The following NBAS variants were observed in gnomAD, a reference collection of about 807,000 sequenced individuals.
The protein encoded by NBAS is NBAS subunit of NRZ tethering complex.
NBAS carries 219 observed loss-of-function variants against 302.5 expected under a neutral mutation model. The ratio of observed to expected loss-of-function variants is 0.72; its 90% CI spans 0.65 to 0.81. The LOEUF (loss-of-function observed/expected upper bound fraction) is 0.81. NBAS is among the 30% of genes least tolerant of loss of function. The pLI is 0.00. For missense variants in NBAS, 2,932 were observed against 2,841.6 expected, an observed-to-expected ratio of 1.03 and a Z score of -0.72; for synonymous variants, 1,118 against 1,021.6, an observed-to-expected ratio of 1.09 and a Z score of -1.80.
the NBAS span, among the ~76,000 whole-genome samples, chr2:15,079,037 T>C: frequency 6.6e-6 from 1 of 152,132 alleles, no homozygotes; most frequent in African/African-American, 2.4e-5. Flanking sequence ...CCATCACTTT[T>C]CTAATCTCCC....
intron 40 of NBAS, among the ~76,000 whole-genome samples, chr2:15,298,224 T>C (rs1240052785): frequency 6.6e-6 from 1 of 152,152 alleles, no homozygotes; most frequent in African/African-American, 2.4e-5. Flanking sequence ...ATTCTATTAA[T>C]TTTTTGATAA....
chr2:15,462,278 C>T (rs1272229773), intron 19 of NBAS, among the ~76,000 whole-genome samples: 2 of 152,106 alleles, frequency 1.3e-5, no homozygotes, highest in African/African-American at 4.8e-5. Flanking sequence ...ATACACTTTT[C>T]CCACCCTCTA....
At chr2:14,977,733 T>A in the NBAS span, among the ~76,000 whole-genome samples, 6 of 152,190 alleles carry the variant, frequency 3.9e-5, no homozygotes, top group African/African-American at 1.2e-4. Context: ...TCATCATTTT[T>A]AAATAGAACT....
At chr2:15,184,497 TA>T (rs376018352) in intron 50 of NBAS, among the ~76,000 whole-genome samples, 98 of 151,766 alleles carry the variant, frequency 6.5e-4, no homozygotes, top group Middle Eastern at 3.4e-3. Context: ...TCATAAGGAA[TA>T]AGGAGTGCAC....
the NBAS span, among the ~76,000 whole-genome samples, chr2:15,160,585 CGGGGGGAGGGGG>C: frequency 9.8e-5 from 9 of 92,300 alleles, 1 homozygote; most frequent in Non-Finnish European, 2.0e-4. Context: ...CCAGTGTGGG[CGGGGGGAGGGGG>C]GGGGGCAGGA....
rs1464162524 is a variant in NBAS at position 15,237,088 on chromosome 2, C to CT, written c.5943+1379dup. ...AAATAAAAGAGGAGGTTAACGGCCA[C>CT]TTACAAGGTTCATTTACCATAGTAT... On this transcript the variant is annotated intron_variant, in intron 45 of 51. Transcript: ENST00000281513. 5.3e-5 allele frequency among the ~76,000 whole-genome samples: 8 copies of CT among 152,218 alleles called. No homozygotes were observed. In the South Asian group the frequency reaches 1.7e-3, roughly 32 times the overall value.
chr2:15,374,802 A>T, intron 30 of NBAS, 82 bp from the exon 31 acceptor site: 1 of 1,185,434 alleles, frequency 8.4e-7, no homozygotes, highest in South Asian at 1.2e-5. Flanking sequence ...TCTAACACAT[A>T]TTTATCAAAA....
chr2:15,361,648 T>C (rs1313210311), intron 32 of NBAS, among the ~76,000 whole-genome samples: 1 of 152,136 alleles, frequency 6.6e-6, no homozygotes, highest in African/African-American at 2.4e-5. Context: ...ATCTAATATA[T>C]TTCATATTTT....
intron 51 of NBAS, among the ~76,000 whole-genome samples, chr2:15,170,675 A>G (rs1351825813): frequency 6.6e-6 from 1 of 152,202 alleles, no homozygotes; most frequent in Non-Finnish European, 1.5e-5. Flanking sequence ...GCCAGAGTAT[A>G]CTTTAAGATT....
chr2:15,284,608 G>T (rs895277968), intron 42 of NBAS, among the ~76,000 whole-genome samples: 1 of 152,120 alleles, frequency 6.6e-6, no homozygotes, highest in Non-Finnish European at 1.5e-5. Context: ...CTTTTTAAAG[G>T]AATAGTAAAA....
the NBAS span, among the ~76,000 whole-genome samples, chr2:14,993,351 G>C: frequency 2.0e-5 from 3 of 152,070 alleles, no homozygotes; most frequent in African/African-American, 7.2e-5. Context: ...AATTGTTTCA[G>C]GTTGACATGA....
chr2:15,456,612 C>T (rs948545780), intron 21 of NBAS, among the ~76,000 whole-genome samples: 11 of 152,102 alleles, frequency 7.2e-5, no homozygotes, highest in Admixed American at 6.5e-4. Flanking sequence ...AAGTATTTAA[C>T]GAATGCCTAC....
At chr2:15,048,318 A>T in the NBAS span, among the ~76,000 whole-genome samples, 124,896 of 151,974 alleles carry the variant, frequency 0.82, 51,652 homozygotes, top group East Asian at 0.99. Context: ...GCAAAGTCCA[A>T]TGTGCAGGGC....
chr2:15,460,760 C>T (rs1031957014), intron 21 of NBAS, among the ~76,000 whole-genome samples: 11 of 152,138 alleles, frequency 7.2e-5, no homozygotes, highest in Admixed American at 5.2e-4. Context: ...ATTTTGATTT[C>T]CCATTTGTCT....
chr2:14,929,598 G>A, the NBAS span, among the ~76,000 whole-genome samples: 15 of 152,102 alleles, frequency 9.9e-5, no homozygotes, highest in Admixed American at 5.9e-4. Context: ...GGCTGGTCTC[G>A]AGCTCCTGAC....
the NBAS span, among the ~76,000 whole-genome samples, chr2:14,828,237 G>A: frequency 2.6e-5 from 4 of 152,146 alleles, no homozygotes; most frequent in East Asian, 1.9e-4. Context: ...TGTGATGTGC[G>A]TATGGAAGAA....
At chr2:15,271,931 C>G (rs1228160793) in intron 44 of NBAS, among the ~76,000 whole-genome samples, 1 of 152,170 alleles carries the variant, frequency 6.6e-6, no homozygotes, top group Non-Finnish European at 1.5e-5. Context: ...CAAAAAAAAG[C>G]ATTTAGATTT....
At chr2:15,527,948 C>T (rs1663002269) in intron 9 of NBAS, among the ~76,000 whole-genome samples, 1 of 152,024 alleles carries the variant, frequency 6.6e-6, no homozygotes, top group Non-Finnish European at 1.5e-5. Context: ...ATCATATTTC[C>T]TCAGCTCAAA....
the NBAS span, among the ~76,000 whole-genome samples, chr2:14,864,367 G>A: frequency 6.6e-6 from 1 of 150,494 alleles, no homozygotes; most frequent in African/African-American, 2.4e-5. Flanking sequence ...GCCAAGACTT[G>A]AATCCTTATT....
Sources: allele counts gnomAD v4.1 joint callset (sites outside exome capture counted in the v4.1 genomes callset), GRCh38; gene constraint gnomAD v4.1.1; transcripts MANE v1.5; gene names NCBI Gene and HGNC (gene_info 2026-07-23, HGNC 2026-07-21).